Variants in PSMD1 observed in about 807,000 individuals in gnomAD.
PSMD1 encodes proteasome 26S subunit, non-ATPase 1.
A neutral mutation model predicts 119.0 loss-of-function variants in PSMD1; 18 were observed. The observed-to-expected ratio is 0.15, with a 90% CI of 0.10 to 0.22. The LOEUF is 0.22. Among genes scored for constraint, PSMD1 ranks in the 10% least tolerant of loss-of-function variants. The pLI is 1.00. For missense variants in PSMD1, 702 were observed against 1,158.5 expected, an observed-to-expected ratio of 0.61 and a Z score of 5.72; for synonymous variants, 374 against 396.6, an observed-to-expected ratio of 0.94 and a Z score of 0.68.
intron 17 of PSMD1, among the ~76,000 whole-genome samples, chr2:231,144,412 C>A: frequency 6.9e-6 from 1 of 144,542 alleles, no homozygotes; most frequent in Admixed American, 6.9e-5. Context: ...CCACCACGCC[C>A]AGCTAATTTT....
intron 1 of PSMD1, 53 bp downstream of exon 1, chr2:231,057,094 C>G (rs1693612996): frequency 6.8e-7 from 1 of 1,475,074 alleles, no homozygotes. Context: ...GCCGCGCCGG[C>G]TTTTAGCTGA....
At chr2:231,151,719 G>C (rs1696379125) in intron 18 of PSMD1, among the ~76,000 whole-genome samples, 1 of 151,198 alleles carries the variant, frequency 6.6e-6, no homozygotes, top group Non-Finnish European at 1.5e-5. Context: ...TACTGTATAA[G>C]GTAATGTAAA....
In PSMD1 at chr2:231,153,628, A is replaced by G. The variant is rs1377432241; in HGVS notation, c.2180A>G (p.Lys727Arg). The change falls in exon 19 of 25, where the codon AAG becomes AGG. Residue 727 changes from lysine (K) to arginine (R), a missense_variant. By Grantham distance (26) the Lys-to-Arg change is conservative. This residue lies in a region of PSMD1 where 272 missense variants were observed against 511.6 expected (regional missense o/e 0.53). Transcript: ENST00000308696. ...INDKHDDVMAKFGAILAQGIL... is the reference protein window; with the variant it reads ...INDKHDDVMARFGAILAQGIL... ...GATAAGCATGATGATGTCATGGCCA[A>G]GTTTGGCGCTATTCTGGCCCAGGGC... 1 of 1,613,920 alleles carries G rather than the reference A, an allele frequency of 6.2e-7. No individual in the cohort carries two copies. The highest frequency in any genetic ancestry group is 1.1e-5 in the South Asian group (1 of 91,044).
intron 5 of PSMD1, among the ~76,000 whole-genome samples, chr2:231,069,356 C>T (rs1693985380): frequency 1.3e-5 from 2 of 152,084 alleles, no homozygotes; most frequent in Admixed American, 1.3e-4. Context: ...GCTAGTCACA[C>T]TTCATTAAAT....
At chr2:231,080,482 T>A (rs1178598316) in intron 12 of PSMD1, among the ~76,000 whole-genome samples, 168 bp downstream of exon 12, 2 of 152,096 alleles carry the variant, frequency 1.3e-5, no homozygotes, top group Admixed American at 1.3e-4. Context: ...CTTGATAAGC[T>A]AAAATTGTGT....
intron 6 of PSMD1, among the ~76,000 whole-genome samples, chr2:231,071,913 C>A (rs1408114854): frequency 1.3e-5 from 2 of 152,264 alleles, no homozygotes; most frequent in East Asian, 3.9e-4. Flanking sequence ...AGCCAAGATT[C>A]ATTCAACAAC....
chr2:231,067,311 T>C (rs1693933150), intron 5 of PSMD1, among the ~76,000 whole-genome samples, 200 bp downstream of exon 5: 1 of 152,242 alleles, frequency 6.6e-6, no homozygotes, highest in African/African-American at 2.4e-5. Context: ...GCTTTTATCT[T>C]ACCACATAAT....
At chr2:231,109,090 CTTGTCCT>C (rs1695065618) in intron 16 of PSMD1, 3 of 1,614,210 alleles carry the variant, frequency 1.9e-6, no homozygotes, top group Non-Finnish European at 2.5e-6. Context: ...TGGGCAGAGC[CTTGTCCT>C]TTCGAGAACC....
At chr2:231,141,880 GTTTA>G (rs541233186) in intron 17 of PSMD1, among the ~76,000 whole-genome samples, 21 of 151,456 alleles carry the variant, frequency 1.4e-4, no homozygotes, top group East Asian at 7.8e-4. Flanking sequence ...TTATTTGTTT[GTTTA>G]TTTATTTATT....
At position 231,170,717 on chromosome 2, in the gene PSMD1, C is replaced by G. The variant is rs1331486608; in HGVS notation, c.*5C>G. 2 of 1,590,140 alleles carry G rather than the reference C, an allele frequency of 1.3e-6. No homozygotes were observed. Among genetic ancestry groups the G allele is most frequent in the African/African-American group, 2.7e-5 (2 of 73,570 alleles). The stretch of plus-strand genomic sequence containing the variant: ...TTTGAGTATATTGATGATTAAGGGC[C>G]AGAGGTGCGTGTGCAACAAAATTAT... On this transcript the variant is annotated 3_prime_UTR_variant, in exon 24 of 25. Transcript: ENST00000308696. The surrounding 1 kb of genome is among the most constrained non-coding windows in gnomAD (Gnocchi z 4.1).
Position 231,138,894 on chromosome 2 carries a change from A to G in PSMD1, c.1998+44A>G, listed in dbSNP as rs779944902. ...GGGGTCAGTTCTTTCTTGGCGCCAGACTGTTTTCCCTCGCCGCAGAATTTA... is the reference window on the plus strand; with the variant it reads ...GGGGTCAGTTCTTTCTTGGCGCCAGGCTGTTTTCCCTCGCCGCAGAATTTA... On this transcript the variant is annotated intron_variant, in intron 17 of 24. Transcript: ENST00000308696. 6.3e-6 allele frequency: 9 copies of G among 1,428,076 alleles called. 1 individual carries two copies. The South Asian group carries it at 1.0e-4, about 16-fold the overall frequency. 88.5% of individuals were successfully genotyped at this position (1,428,076 alleles called of 1,614,324 possible).
chr2:231,078,813 TTTG>T, intron 10 of PSMD1, 66 bp downstream of exon 10: 31 of 1,211,088 alleles, frequency 2.6e-5, no homozygotes, highest in Non-Finnish European at 3.2e-5. Context: ...TTTTTTTTTT[TTTG>T]TGCAGTCTTA....
rs1225138380 is a variant in PSMD1, at chr2:231,072,337, T to A, written c.803T>A (p.Leu268His). The change falls in exon 7 of 25, where the codon CTT becomes CAT. Residue 268 changes from leucine to histidine, a missense_variant. By Grantham distance (99) the Leu-to-His change is moderately conservative (BLOSUM62 -3). Around this residue, in one of 9 missense-constraint regions of PSMD1, gnomAD observed 32 missense variants for 77.1 expected, o/e 0.42. Transcript: ENST00000308696. ...QQFLSSVIQN[L>H]RTVGTPIASV... ...TTTTTGTCATCTGTAATCCAGAATC[T>A]TCGAACTGTTGGCACCCCTATTGCT... is the stretch of plus-strand genomic sequence containing the variant. The A allele has an allele frequency of 6.2e-7, 1 of 1,614,094 alleles. No homozygotes were observed. Among genetic ancestry groups the A allele is most frequent in the Admixed American group, 1.7e-5 (1 of 60,020 alleles).
intron 22 of PSMD1, 51 bp downstream of exon 22, chr2:231,165,337 T>C (rs1399875413): frequency 6.7e-7 from 1 of 1,498,442 alleles, no homozygotes; most frequent in Non-Finnish European, 9.0e-7. Flanking sequence ...GTCTCTGTCA[T>C]GGTCGAGATT....
chr2:231,144,410 C>G (rs933337934), intron 17 of PSMD1, among the ~76,000 whole-genome samples: 5 of 147,754 alleles, frequency 3.4e-5, no homozygotes, highest in African/African-American at 5.0e-5. Context: ...CGCCACCACG[C>G]CCAGCTAATT....
chr2:231,057,099 A>T, intron 1 of PSMD1, 58 bp downstream of exon 1: 1 of 1,470,054 alleles, frequency 6.8e-7, no homozygotes, highest in Non-Finnish European at 9.0e-7. Flanking sequence ...GCCGGCTTTT[A>T]GCTGAGTCAG....
chr2:231,075,512 G>T lies in PSMD1; in HGVS notation c.883G>T (p.Asp295Tyr). ...AATTATTGGTTCTTTTCATTTCAGT[G>T]ACTCGATGGAAACAGAAGAAAAGAC... ...GTVPGSEKDS[D>Y]SMETEEKTSS... The change falls in exon 8 of 25, where the codon GAC becomes TAC. Residue 295 changes from aspartate (D) to tyrosine (Y), a missense_variant and splice_region_variant. This residue lies in a region of PSMD1 where 69 missense variants were observed against 71.6 expected (regional missense o/e 0.96). Transcript: ENST00000308696. 6.2e-7 allele frequency: 1 copy of T among 1,612,442 alleles called. No individual in the cohort carries two copies. The highest frequency in any genetic ancestry group is 1.1e-5 in the South Asian group (1 of 90,738).
chr2:231,130,785 A>C (rs1174564816), intron 16 of PSMD1, among the ~76,000 whole-genome samples: 1 of 152,194 alleles, frequency 6.6e-6, no homozygotes, highest in East Asian at 1.9e-4. Flanking sequence ...ATGTTTATGG[A>C]GACATAGAAA....
In PSMD1 at chr2:231,161,328, C is replaced by CT; in HGVS notation, c.2219-7dup. 1 of 1,587,980 alleles carries CT rather than the reference C, an allele frequency of 6.3e-7. No homozygotes were observed. Among genetic ancestry groups the CT allele is most frequent in the Non-Finnish European group, 8.6e-7 (1 of 1,164,076 alleles). ...TACTATTATTGTTCATGGTTTCTCTCTTTTTCTACAGGTGGTCATAATGTC... is the reference window on the plus strand; with the variant it reads ...TACTATTATTGTTCATGGTTTCTCTCTTTTTTCTACAGGTGGTCATAATGTC... On this transcript the variant is annotated splice_polypyrimidine_tract_variant and intron_variant, in intron 19 of 24. Transcript: ENST00000308696.
Sources: allele counts gnomAD v4.1 joint callset (sites outside exome capture counted in the v4.1 genomes callset), GRCh38; gene constraint gnomAD v4.1.1; regional missense constraint gnomAD v4.1.1; non-coding constraint Gnocchi (gnomAD v3.1); transcripts MANE v1.5; gene names NCBI Gene and HGNC (gene_info 2026-07-23, HGNC 2026-07-21).